The following PRPH2 variants were observed in gnomAD, a reference collection of about 807,000 sequenced individuals.
PRPH2 encodes peripherin 2.
In PRPH2, 17 loss-of-function variants were observed where a neutral mutation model predicts 31.3. The observed-to-expected ratio is 0.54, with a 90% CI of 0.37 to 0.81. PRPH2 has a LOEUF of 0.81. Among genes scored for constraint, PRPH2 ranks in the 40% least tolerant of loss-of-function variants. The pLI is 0.00. For missense variants in PRPH2, 430 were observed against 439.7 expected (o/e 0.98, Z 0.20); for synonymous variants, 165 against 184.4 (o/e 0.89, Z 0.85).
chr6:42,711,904 C>G, intron 1 of PRPH2: 1 of 985,388 alleles, frequency 1.0e-6, no homozygotes, highest in African/African-American at 1.7e-5. Context: ...TTCTACCTCT[C>G]ACCCCAAGAC....
chr6:42,719,864 C>T (rs1180063765), intron 1 of PRPH2, among the ~76,000 whole-genome samples: 4 of 152,000 alleles, frequency 2.6e-5, no homozygotes, highest in South Asian at 2.1e-4. Flanking sequence ...CTACCGCACC[C>T]GGCCCTAAAT....
rs761320905 is a variant in PRPH2 at position 42,722,330 on chromosome 6, G to A, written c.5C>T (p.Ala2Val). The change falls in exon 1 of 3, where the codon GCG (alanine) becomes GTG (valine). Residue 2 changes from alanine to valine, a missense_variant. Ala to Val is a moderately conservative substitution (Grantham distance 64). Transcript: ENST00000230381. The surrounding 1 kb of genome is among the most constrained non-coding windows in gnomAD (Gnocchi z 4.4). M[A>V]LLKVKFDQKK... ...CTGGTCAAACTTGACTTTCAGTAGC[G>A]CCATGCTTGCCAAGTGTAGTCCGGG... 1.9e-5 allele frequency: 30 copies of A among 1,613,392 alleles called. No homozygotes were observed. Among genetic ancestry groups the A allele is most frequent in the Middle Eastern group, 1.6e-4 (1 of 6,082 alleles).
rs547488343 is a variant in PRPH2 at position 42,712,835 on chromosome 6, G to T, written c.582-8224C>A. Among the ~76,000 whole-genome samples the T allele has an allele frequency of 2.0e-5, 3 of 152,108 alleles. 1 individual carries two copies. Among genetic ancestry groups the T allele is most frequent in the Non-Finnish European group, 4.4e-5 (3 of 68,028 alleles). On this transcript the variant is annotated intron_variant, in intron 1 of 2. Coordinates refer to ENST00000230381, the MANE Select transcript of PRPH2 (RefSeq NM_000322.5). ...ACCTGGCTAGGTGATGGCTACATGA[G>T]AATTAATTATAATGAACTCTCTAAT...
chr6:42,714,318 C>T (rs998996395), intron 1 of PRPH2, among the ~76,000 whole-genome samples: 18 of 151,964 alleles, frequency 1.2e-4, no homozygotes, highest in Non-Finnish European at 1.8e-4. Context: ...AGAAAGTAAA[C>T]GAGTGGTTAC....
intron 2 of PRPH2, among the ~76,000 whole-genome samples, chr6:42,698,847 A>T (rs1035445199): frequency 1.3e-5 from 2 of 151,832 alleles, no homozygotes; most frequent in Non-Finnish European, 2.9e-5. Flanking sequence ...TCATCTGTTA[A>T]TTCATCTTCA....
At chr6:42,718,265 A>G (rs1160287590) in intron 1 of PRPH2, among the ~76,000 whole-genome samples, 1 of 149,824 alleles carries the variant, frequency 6.7e-6, no homozygotes, top group African/African-American at 2.5e-5. Flanking sequence ...GAGCCTGGAG[A>G]GTGAGACCAT....
intron 1 of PRPH2, among the ~76,000 whole-genome samples, chr6:42,716,962 C>CTTTTTTTTTTTTT (rs1161769235): frequency 7.3e-4 from 33 of 45,178 alleles, no homozygotes; most frequent in Non-Finnish European, 9.4e-4. Flanking sequence ...TCTTTCTTTT[C>CTTTTTTTTTTTTT]TTTTTTTTTT....
At position 42,722,396 on chromosome 6, in the gene PRPH2, G is replaced by T. The variant is rs1761923232; in HGVS notation, c.-62C>A. ...CAGCTCCCACCCCAAACCTTAACGA[G>T]CCCAGAGGCGGAGACTTAGGGCCTT... On this transcript the variant is annotated 5_prime_UTR_variant, in exon 1 of 3. Transcript: ENST00000230381. The surrounding 1 kb of genome is among the most constrained non-coding windows in gnomAD (Gnocchi z 4.4). 1 of 1,602,136 alleles carries T rather than the reference G, an allele frequency of 6.2e-7. No homozygotes were observed. Among genetic ancestry groups the T allele is most frequent in the East Asian group, 2.2e-5 (1 of 44,818 alleles).
chr6:42,721,097 C>T (rs2152010664), intron 1 of PRPH2, among the ~76,000 whole-genome samples: 1 of 152,320 alleles, frequency 6.6e-6, no homozygotes, highest in South Asian at 2.1e-4. Flanking sequence ...TAGGAGGTGA[C>T]TTCCAAAATT....
At position 42,722,457 on chromosome 6, in the gene PRPH2, G is replaced by T; in HGVS notation, c.-123C>A. The T allele has an allele frequency of 2.0e-6, 3 of 1,534,088 alleles. No individual in the cohort carries two copies. Among genetic ancestry groups the T allele is most frequent in the Non-Finnish European group, 2.6e-6 (3 of 1,146,356 alleles). On this transcript the variant is annotated 5_prime_UTR_variant, in exon 1 of 3. Transcript: ENST00000230381. This position sits in a 1 kb window ranked among gnomAD's most constrained non-coding sequence, Gnocchi z 4.4. Reference sequence around the variant, plus strand: ...CAGATGGCCCAAGCTGTAGGGAGCTGCCCTGGGGGCTACCCATGTCGAGTC... The same window carrying T: ...CAGATGGCCCAAGCTGTAGGGAGCTTCCCTGGGGGCTACCCATGTCGAGTC...
intron 1 of PRPH2, among the ~76,000 whole-genome samples, chr6:42,713,984 G>C (rs1001163510): frequency 2.3e-5 from 3 of 132,374 alleles, no homozygotes; most frequent in Non-Finnish European, 4.8e-5. Context: ...AGAAAAGCAA[G>C]ACTTCCCGTA....
chr6:42,698,144 C>G lies in PRPH2; in HGVS notation c.*151G>C. The stretch of plus-strand genomic sequence containing the variant: ...CTGTGTGTCAAATGCTTTTAGGGAC[C>G]CTAAACTTAAATTCCACCGTCAGGG... On this transcript the variant is annotated 3_prime_UTR_variant, in exon 3 of 3. Coordinates refer to ENST00000230381, the MANE Select transcript of PRPH2 (RefSeq NM_000322.5). 1 of 1,088,368 alleles carries G rather than the reference C, an allele frequency of 9.2e-7. No homozygotes were observed. The highest frequency in any genetic ancestry group is 1.3e-6 in the Non-Finnish European group (1 of 758,018). The allele number at this position is 1,088,368 out of a possible 1,614,324, so 67.4% of individuals were successfully genotyped here.
rs1365444690 is a variant in PRPH2 at position 42,716,962 on chromosome 6, C to CG, written c.581+4791_581+4792insC. The stretch of plus-strand genomic sequence containing the variant: ...TTCTTTTCTTTTCTTTCTTTCTTTT[C>CG]TTTTTTTTTTTTTTTTTTTTTTTTG... On this transcript the variant is annotated intron_variant, in intron 1 of 2. Transcript: ENST00000230381. Among the ~76,000 whole-genome samples the CG allele has an allele frequency of 1.8e-4, 8 of 45,210 alleles. No homozygotes were observed. In the East Asian group the frequency reaches 6.2e-3, roughly 35 times the overall value. The allele number at this position is 45,210 out of a possible 152,430, so 29.7% of individuals were successfully genotyped here.
chr6:42,722,401 G>C lies in PRPH2; in HGVS notation c.-67C>G, dbSNP rs1761923410. 6.3e-7 allele frequency: 1 copy of C among 1,599,520 alleles called. No individual in the cohort carries two copies. The highest frequency in any genetic ancestry group is 1.3e-5 in the African/African-American group (1 of 74,970). ...CCCACCCCAAACCTTAACGAGCCCA[G>C]AGGCGGAGACTTAGGGCCTTGGGAA... is the stretch of plus-strand genomic sequence containing the variant. On this transcript the variant is annotated 5_prime_UTR_variant, in exon 1 of 3. Transcript: ENST00000230381. This position sits in a 1 kb window ranked among gnomAD's most constrained non-coding sequence, Gnocchi z 4.4.
chr6:42,709,735 C>A (rs112093964), intron 1 of PRPH2, among the ~76,000 whole-genome samples: 10 of 152,150 alleles, frequency 6.6e-5, no homozygotes, highest in East Asian at 1.9e-4. Flanking sequence ...GCTCCCTCAC[C>A]AACCTCATCT....
intron 1 of PRPH2, among the ~76,000 whole-genome samples, chr6:42,713,985 A>C (rs1054466084): frequency 2.0e-5 from 3 of 151,226 alleles, no homozygotes; most frequent in Admixed American, 1.3e-4. Context: ...GAAAAGCAAG[A>C]CTTCCCGTAC....
At chr6:42,705,374 G>A (rs865990323) in intron 1 of PRPH2, among the ~76,000 whole-genome samples, 5 of 151,520 alleles carry the variant, frequency 3.3e-5, no homozygotes, top group African/African-American at 1.2e-4. Flanking sequence ...TACCTGGCCT[G>A]GGGGTGATTA....
chr6:42,697,391 G>A lies in PRPH2; in HGVS notation c.*904C>T, dbSNP rs1003605173. 6.6e-6 allele frequency: 1 copy of A among 152,238 alleles called. No homozygotes were observed. Among genetic ancestry groups the A allele is most frequent in the Admixed American group, 6.5e-5 (1 of 15,278 alleles). 9.4% of individuals were successfully genotyped at this position (152,238 alleles called of 1,614,324 possible). On this transcript the variant is annotated 3_prime_UTR_variant, in exon 3 of 3. Transcript: ENST00000230381. ...GGCTGTGATGGCCACCTGTGTGGGT[G>A]TCCCTGGGCCCACCAAGAGCTGAGG...
intron 1 of PRPH2, among the ~76,000 whole-genome samples, chr6:42,712,509 T>C (rs762175032): frequency 1.3e-5 from 2 of 152,190 alleles, no homozygotes; most frequent in Non-Finnish European, 2.9e-5. Context: ...TGCTTTAGGA[T>C]ATTCAGAAGG....
Sources: gnomAD v4.1 joint callset for allele counts (sites outside exome capture counted in the v4.1 genomes callset) on GRCh38, gnomAD v4.1.1 for gene constraint, Gnocchi (gnomAD v3.1) non-coding constraint, MANE v1.5 for transcripts, NCBI Gene and HGNC (gene_info 2026-07-23, HGNC 2026-07-21) for gene names.